MYH1: variants seen among roughly 807,000 people sequenced by gnomAD.
MYH1 encodes the protein myosin heavy chain 1.
MYH1 carries 214 observed loss-of-function variants against 225.6 expected under a neutral mutation model. The ratio of observed to expected loss-of-function variants is 0.95; its 90% CI spans 0.85 to 1.06. MYH1 has a LOEUF of 1.06. Among genes scored for constraint, MYH1 ranks in the 50% least tolerant of loss-of-function variants. The pLI is 0.00. For missense variants in MYH1, 2,098 were observed against 2,344.2 expected, an observed-to-expected ratio of 0.89 and a Z score of 2.17; for synonymous variants, 774 against 842.3, an observed-to-expected ratio of 0.92 and a Z score of 1.40.
rs534756197 is a variant in MYH1, at chr17:10,516,312, G to C, written c.235C>G (p.Pro79Ala). 3.7e-6 allele frequency: 6 copies of C among 1,614,146 alleles called. No homozygotes were observed. Among genetic ancestry groups the C allele is most frequent in the Non-Finnish European group, 5.1e-6 (6 of 1,180,032 alleles). Residue 79 changes from proline (P) to alanine (A), a missense_variant, in exon 4 of 40, where the codon CCC becomes GCC. Coordinates refer to ENST00000226207, the MANE Select transcript of MYH1 (RefSeq NM_005963.4). ...TVTVKDDQVF[P>A]MNPPKYDKIE... ...TTGTCATATTTGGGAGGGTTCATGG[G>C]GAAGACTTGGTCATCTTTCACTGTT...
At chr17:10,503,364 A>T in intron 22 of MYH1, 116 bp from the exon 23 acceptor site, 1 of 1,404,450 alleles carries the variant, frequency 7.1e-7, no homozygotes. Context: ...GTTAATTTTT[A>T]TTAGCTTTCT....
intron 27 of MYH1, 61 bp from the exon 28 acceptor site, chr17:10,500,813 G>A: frequency 6.2e-7 from 1 of 1,606,998 alleles, no homozygotes; most frequent in East Asian, 2.2e-5. Context: ...GAAAGTTTCA[G>A]TAATCTAAAC....
Position 10,501,499 on chromosome 17 carries a change from C to T in MYH1, c.3349G>A (p.Ala1117Thr). 6.2e-7 allele frequency: 1 copy of T among 1,614,218 alleles called. No individual in the cohort carries two copies. The highest frequency in any genetic ancestry group is 8.5e-7 in the Non-Finnish European group (1 of 1,180,048). Reference sequence around the variant, plus strand: ...TCCTCCTCCAGCTCCTCAATGCGGGCCTGGGAATGGTGAAAAATATTAATA... The same window carrying T: ...TCCTCCTCCAGCTCCTCAATGCGGGTCTGGGAATGGTGAAAAATATTAATA... ...QLQKKIKELQ[A>T]RIEELEEEIE... Residue 1117 changes from alanine to threonine, a missense_variant and splice_region_variant, in exon 27 of 40, where the codon GCC becomes ACC. Coordinates refer to ENST00000226207, the MANE Select transcript of MYH1 (RefSeq NM_005963.4).
chr17:10,500,362 T>TTATATA (rs111335253), intron 28 of MYH1, among the ~76,000 whole-genome samples: 1 of 147,572 alleles, frequency 6.8e-6, no homozygotes, highest in Non-Finnish European at 1.5e-5. Context: ...CTCTCTCTCT[T>TTATATA]TATATATATA....
Position 10,512,079 on chromosome 17 carries a change from G to A in MYH1, c.1261C>T (p.Gln421Ter). The change falls in exon 13 of 40, where the codon CAG becomes TAG. Residue 421 changes from glutamine (Q) to a stop codon, truncating the protein, a stop_gained. Transcript: ENST00000226207. LOFTEE classifies it high-confidence loss of function. The stretch of plus-strand genomic sequence containing the variant: ...CATTGAGGTCATGCACTTACCTGCT[G>A]CACAGTTTGACCTTTGGTGACATAC... Reference protein sequence around the residue: ...NEYVTKGQTVQQVYNAVGALA... With the variant: ...NEYVTKGQTV 1.2e-6 allele frequency: 2 copies of A among 1,614,064 alleles called. No homozygotes were observed. The highest frequency in any genetic ancestry group is 2.2e-5 in the South Asian group (2 of 91,068).
rs1312068216 is a variant in MYH1, at chr17:10,501,455, G to A, written c.3393C>T (p.Ala1131=). Reference sequence around the variant, plus strand: ...GCTGCTTCTCTGCTTTGGCCCGGGAGGCCCGCTCTGCCTCGATTTCCTCCT... The same window carrying A: ...GCTGCTTCTCTGCTTTGGCCCGGGAAGCCCGCTCTGCCTCGATTTCCTCCT... ...ELEEEIEAER[A]SRAKAEKQRS... The change falls in exon 27 of 40, where the codon GCC becomes GCT. Residue 1131 remains alanine (A), a synonymous_variant. Coordinates refer to ENST00000226207, the MANE Select transcript of MYH1 (RefSeq NM_005963.4). 1 of 1,614,224 alleles carries A rather than the reference G, an allele frequency of 6.2e-7. No homozygotes were observed. The highest frequency in any genetic ancestry group is 8.5e-7 in the Non-Finnish European group (1 of 1,180,052).
Position 10,501,649 on chromosome 17 carries a change from A to G in MYH1, c.3293T>C (p.Ile1098Thr), listed in dbSNP as rs151057376. 1,339 of 1,614,160 alleles carry G rather than the reference A, an allele frequency of 8.3e-4. No individual in the cohort carries two copies. Among genetic ancestry groups the G allele is most frequent in the Middle Eastern group, 1.2e-3 (7 of 6,062 alleles). Residue 1098 changes from isoleucine to threonine, a missense_variant, in exon 26 of 40, where the codon ATT becomes ACT. Physicochemically the swap from Ile to Thr is moderately conservative, Grantham distance 89 (BLOSUM62 -1). Transcript: ENST00000226207. The part of the protein sequence containing the change: ...EFEMSGLQSK[I>T]EDEQALGMQL... Reference sequence around the variant, plus strand: ...CATACCAAGGGCTTGTTCATCTTCAATCTTGCTTTGCAGACCGCTCATTTC... The same window carrying G: ...CATACCAAGGGCTTGTTCATCTTCAGTCTTGCTTTGCAGACCGCTCATTTC...
In MYH1 at chr17:10,495,271, G is replaced by A. The variant is rs1597433895; in HGVS notation, c.5216C>T (p.Ser1739Phe). 1.9e-6 allele frequency: 3 copies of A among 1,614,126 alleles called. No individual in the cohort carries two copies. Among genetic ancestry groups the A allele is most frequent in the Non-Finnish European group, 1.7e-6 (2 of 1,180,032 alleles). The part of the protein sequence containing the change: ...NTKKKLETDI[S>F]QIQGEMEDII... ...GTCTTCCATCTCTCCCTGGATTTGG[G>A]AAATGTCTGTCTCCAGCTTCTTCTT... Residue 1739 changes from serine (S) to phenylalanine (F), a missense_variant, in exon 36 of 40, where the codon TCC becomes TTC. Coordinates refer to ENST00000226207, the MANE Select transcript of MYH1 (RefSeq NM_005963.4).
chr17:10,495,760 C>CAAA lies in MYH1; in HGVS notation c.5169+187_5169+189dup, dbSNP rs3050883. On this transcript the variant is annotated intron_variant, in intron 35 of 39. Coordinates refer to ENST00000226207, the MANE Select transcript of MYH1 (RefSeq NM_005963.4). ...TGAGCGACAGAGCGAGACTCCGTCT[C>CAAA]AAAAAAAAAAAAAAAATCAACTATG... Among the ~76,000 whole-genome samples, 5 of 42,166 alleles carry CAAA rather than the reference C, an allele frequency of 1.2e-4. 1 individual carries two copies. The highest frequency in any genetic ancestry group is 5.2e-3 in the East Asian group (2 of 388). 27.7% of individuals were successfully genotyped at this position (42,166 alleles called of 152,430 possible).
At chr17:10,510,880 A>G (rs2073164028) in intron 14 of MYH1, among the ~76,000 whole-genome samples, 1 of 151,988 alleles carries the variant, frequency 6.6e-6, no homozygotes, top group African/African-American at 2.4e-5. Context: ...ACTAAAAACC[A>G]TTGAATTTTA....
At chr17:10,508,034 T>G in intron 16 of MYH1, 78 bp from the exon 17 acceptor site, 1 of 1,273,836 alleles carries the variant, frequency 7.9e-7, no homozygotes, top group South Asian at 1.3e-5. Context: ...TTTTGTTTTT[T>G]TTGACGAAGT....
rs76124000 is a variant in MYH1 at position 10,495,120 on chromosome 17, G to A, written c.5296-19C>T. 4,842 of 1,614,162 alleles carry A rather than the reference G, an allele frequency of 3.0e-3. 39 individuals are homozygous for A. The Middle Eastern group carries it at 0.038, about 13-fold the overall frequency. On this transcript the variant is annotated intron_variant, in intron 36 of 39. Coordinates refer to ENST00000226207, the MANE Select transcript of MYH1 (RefSeq NM_005963.4). ...TGGCAGCCTAATTAGCAGTAAAACAGAATGGGTTAAGACAGCTAAGACAGC... is the reference window on the plus strand; with the variant it reads ...TGGCAGCCTAATTAGCAGTAAAACAAAATGGGTTAAGACAGCTAAGACAGC...
chr17:10,492,405 A>G lies in MYH1; in HGVS notation c.*11T>C, dbSNP rs755917053. On this transcript the variant is annotated 3_prime_UTR_variant, in exon 40 of 40. Coordinates refer to ENST00000226207, the MANE Select transcript of MYH1 (RefSeq NM_005963.4). ...TGCATTTCTTTGGTCACCTTTCAGC[A>G]GTTAGATAAATTACTCTTCACTTAT... The G allele has an allele frequency of 2.7e-5, 43 of 1,613,196 alleles. No individual in the cohort carries two copies. Among genetic ancestry groups the G allele is most frequent in the Non-Finnish European group, 3.5e-5 (41 of 1,179,696 alleles).
intron 6 of MYH1, 98 bp downstream of exon 6, chr17:10,514,770 A>G (rs1187578522): frequency 1.1e-5 from 12 of 1,045,042 alleles, no homozygotes; most frequent in Non-Finnish European, 7.4e-6. Flanking sequence ...TTGATCATTC[A>G]GTGCTTTAGT....
rs754791471 is a variant in MYH1 at position 10,514,856 on chromosome 17, A to C, written c.533+12T>G. ...ACAAACTGCCAATAAATCTCAGAAT[A>C]GGAATACATACGTGATCAAGATAGA... On this transcript the variant is annotated intron_variant, in intron 6 of 39. Transcript: ENST00000226207. 3.1e-6 allele frequency: 5 copies of C among 1,606,680 alleles called. No individual in the cohort carries two copies. Among genetic ancestry groups the C allele is most frequent in the Non-Finnish European group, 4.3e-6 (5 of 1,176,218 alleles).
chr17:10,512,715 C>G lies in MYH1; in HGVS notation c.974G>C (p.Ser325Thr). ...FVSQGEITVPSIDDQEELMAT... is the reference protein window; with the variant it reads ...FVSQGEITVPTIDDQEELMAT... Reference sequence around the variant, plus strand: ...CATCAACTCTTCTTGGTCATCAATGCTGGGCACTGTGATCTCCCCTTGACT... The same window carrying G: ...CATCAACTCTTCTTGGTCATCAATGGTGGGCACTGTGATCTCCCCTTGACT... Residue 325 changes from serine to threonine, a missense_variant, in exon 11 of 40, where the codon AGC (serine) becomes ACC (threonine). Ser to Thr is a moderately conservative substitution (Grantham distance 58, BLOSUM62 1). Transcript: ENST00000226207. The G allele has an allele frequency of 1.2e-6, 2 of 1,614,110 alleles. No individual in the cohort carries two copies. Among genetic ancestry groups the G allele is most frequent in the Non-Finnish European group, 1.7e-6 (2 of 1,179,990 alleles).
In MYH1 at chr17:10,498,625, C is replaced by G. The variant is rs953973079; in HGVS notation, c.4181+1G>C. The G allele has an allele frequency of 6.8e-6, 11 of 1,613,880 alleles. No homozygotes were observed. The highest frequency in any genetic ancestry group is 1.1e-5 in the South Asian group (1 of 91,080). The stretch of plus-strand genomic sequence containing the variant: ...CCATTTTAACTAAGTCTGGAACATA[C>G]TTGGCCTCCTCCAGCTCCTCTGTGC... On this transcript the variant is annotated splice_donor_variant, in intron 30 of 39. Transcript: ENST00000226207. LOFTEE classifies it high-confidence loss of function.
intron 9 of MYH1, among the ~76,000 whole-genome samples, chr17:10,513,237 C>G (rs1300461073): frequency 1.3e-5 from 2 of 152,204 alleles, no homozygotes; most frequent in African/African-American, 4.8e-5. Flanking sequence ...GAGACTCCCT[C>G]TGCAGGGTCC....
rs749394784 is a variant in MYH1, at chr17:10,511,974, C to G, written c.1281G>C (p.Val427=). 2 of 1,614,026 alleles carry G rather than the reference C, an allele frequency of 1.2e-6. No individual in the cohort carries two copies. The highest frequency in any genetic ancestry group is 2.7e-5 in the African/African-American group (2 of 74,900). ...GQTVQQVYNA[V]GALAKAVYDK... Reference sequence around the variant, plus strand: ...CGTAGACAGCTTTGGCCAGAGCACCCACTGCATTGTACACCTTCACAGATA... The same window carrying G: ...CGTAGACAGCTTTGGCCAGAGCACCGACTGCATTGTACACCTTCACAGATA... Residue 427 remains valine, a synonymous_variant, in exon 14 of 40, where the codon GTG becomes GTC. Transcript: ENST00000226207.
Sources: allele counts gnomAD v4.1 joint callset (sites outside exome capture counted in the v4.1 genomes callset), GRCh38; gene constraint gnomAD v4.1.1; transcripts MANE v1.5; gene names NCBI Gene and HGNC (gene_info 2026-07-23, HGNC 2026-07-21).